The following TSPOAP1 variants were observed in gnomAD, a reference collection of about 807,000 sequenced individuals.
TSPOAP1 encodes the protein TSPO associated protein 1.
Under a neutral mutation model 197.0 loss-of-function variants are expected in TSPOAP1, and 87 were observed. The observed-to-expected ratio is 0.44, with a 90% CI of 0.37 to 0.53. TSPOAP1 has a LOEUF of 0.53. Among genes scored for constraint, TSPOAP1 ranks in the 20% least tolerant of loss-of-function variants. The pLI, the probability that TSPOAP1 is intolerant of heterozygous loss-of-function variation, is 0.00. For missense variants in TSPOAP1, 2,174 were observed against 2,411.3 expected (o/e 0.90, Z 2.06); for synonymous variants, 913 against 998.9 (o/e 0.91, Z 1.62).
chr17:58,318,000 T>C (rs762761217), intron 14 of TSPOAP1, among the ~76,000 whole-genome samples: 1 of 152,196 alleles, frequency 6.6e-6, no homozygotes, highest in Non-Finnish European at 1.5e-5. Flanking sequence ...GGTGCCCAAG[T>C]GTCTCCTCCA....
intron 16 of TSPOAP1, among the ~76,000 whole-genome samples, chr17:58,314,023 A>G (rs1300428449): frequency 6.6e-6 from 1 of 152,220 alleles, no homozygotes; most frequent in Non-Finnish European, 1.5e-5. Context: ...GAAGAAAAAA[A>G]GGTCTCAGGA....
rs761468658 is a variant in TSPOAP1 at position 58,304,383 on chromosome 17, C to T, written c.5561G>A (p.Arg1854Lys). 21 of 1,613,756 alleles carry T rather than the reference C, an allele frequency of 1.3e-5. No homozygotes were observed. The South Asian group carries it at 2.0e-4, about 15-fold the overall frequency. The change falls in exon 31 of 32, where the codon AGA (arginine) becomes AAA (lysine). Residue 1854 changes from arginine to lysine, a missense_variant. By Grantham distance (26) the Arg-to-Lys change is conservative. Transcript: ENST00000343736. This position sits in a 1 kb window ranked among gnomAD's most constrained non-coding sequence, Gnocchi z 4.2. ...ATCTATCTCCATCTAGCACTGGACT[C>T]TTCTCCTCCTCGTTCTCTGAGGACA... ...QAESQRTRRRRVQC is the reference protein window; with the variant it reads ...QAESQRTRRRKVQC
rs1043617468 is a variant in TSPOAP1 at position 58,301,522 on chromosome 17, G to A, written c.*958C>T. The A allele has an allele frequency of 3.9e-5, 6 of 152,702 alleles. No homozygotes were observed. Among genetic ancestry groups the A allele is most frequent in the African/African-American group, 1.4e-4 (6 of 41,462 alleles). 9.5% of individuals were successfully genotyped at this position (152,702 alleles called of 1,614,324 possible). The stretch of plus-strand genomic sequence containing the variant: ...CCAACAGGGGTTAGAAGAAAACTAT[G>A]CAAAAGAACTTGAATCCAATGAGCA... On this transcript the variant is annotated 3_prime_UTR_variant, in exon 32 of 32. Transcript: ENST00000343736.
intron 29 of TSPOAP1, 58 bp downstream of exon 29, chr17:58,305,329 C>T: frequency 6.3e-7 from 1 of 1,593,918 alleles, no homozygotes; most frequent in Non-Finnish European, 8.6e-7. Context: ...TTGCCTATCC[C>T]CCTGTCCGAA....
intron 24 of TSPOAP1, 160 bp downstream of exon 24, chr17:58,307,451 C>G: frequency 1.0e-6 from 1 of 979,610 alleles, no homozygotes; most frequent in Non-Finnish European, 1.5e-6. Flanking sequence ...CTCAAGGTTA[C>G]ACAGCTAGAA....
intron 10 of TSPOAP1, among the ~76,000 whole-genome samples, chr17:58,321,418 C>T (rs577825322): frequency 5.3e-5 from 8 of 152,098 alleles, no homozygotes; most frequent in African/African-American, 1.9e-4. Context: ...CTGCCTCAGC[C>T]TCCTGAGTAG....
chr17:58,309,542 G>A lies in TSPOAP1; in HGVS notation c.3892-162C>T, dbSNP rs761936496. Reference sequence around the variant, plus strand: ...TCCGAGAGGAGAGAACCAGAGGGACGGTGGCTGGCCCAAATTCACACACAT... The same window carrying A: ...TCCGAGAGGAGAGAACCAGAGGGACAGTGGCTGGCCCAAATTCACACACAT... On this transcript the variant is annotated intron_variant, in intron 21 of 31. Transcript: ENST00000343736. The surrounding 1 kb of genome is among the most constrained non-coding windows in gnomAD (Gnocchi z 5.0). Among the ~76,000 whole-genome samples the A allele has an allele frequency of 3.3e-5, 5 of 151,978 alleles. No homozygotes were observed. The highest frequency in any genetic ancestry group is 4.8e-5 in the African/African-American group (2 of 41,368).
chr17:58,308,719 C>T lies in TSPOAP1; in HGVS notation c.4553G>A (p.Ser1518Asn). ...EAGSGGISIT[S>N]SCYPGDGEAW... ...CTCCCCATCTCCAGGGTAGCAGGAGCTGGTGATGCTGATGCCCCCGCTGCC... is the reference window on the plus strand; with the variant it reads ...CTCCCCATCTCCAGGGTAGCAGGAGTTGGTGATGCTGATGCCCCCGCTGCC... Residue 1518 changes from serine (S) to asparagine (N), a missense_variant, in exon 22 of 32, where the codon AGC becomes AAC. Transcript: ENST00000343736. 6.2e-7 allele frequency: 1 copy of T among 1,613,062 alleles called. No individual in the cohort carries two copies. The highest frequency in any genetic ancestry group is 1.1e-5 in the South Asian group (1 of 91,088).
chr17:58,325,131 G>A (rs755260399), intron 4 of TSPOAP1, 129 bp from the exon 5 acceptor site: 28 of 820,994 alleles, frequency 3.4e-5, no homozygotes, highest in Non-Finnish European at 5.0e-5. Context: ...ACCCTCCCAT[G>A]GGTACATGCC....
chr17:58,324,821 G>T lies in TSPOAP1; in HGVS notation c.932C>A (p.Ala311Asp). 1 of 1,463,704 alleles carries T rather than the reference G, an allele frequency of 6.8e-7. No homozygotes were observed. 90.7% of individuals were successfully genotyped at this position (1,463,704 alleles called of 1,614,324 possible). The part of the protein sequence containing the change: ...QARAGAPAPG[A>D]PGEATPQEDA... ...TGCGCCGGCGCTCACCTCTCCCGGG[G>T]CCCCGGGAGCAGGCGCCCCTGCTCT... is the stretch of plus-strand genomic sequence containing the variant. The change falls in exon 5 of 32, where the codon GCC becomes GAC. Residue 311 changes from alanine (A) to aspartate (D), a missense_variant. This residue lies in a region of TSPOAP1 where 1,933 missense variants were observed against 2,139.0 expected (regional missense o/e 0.90). Coordinates refer to ENST00000343736, the MANE Select transcript of TSPOAP1 (RefSeq NM_004758.4). This position sits in a 1 kb window ranked among gnomAD's most constrained non-coding sequence, Gnocchi z 5.8.
In TSPOAP1 at chr17:58,309,287, G is replaced by A. The variant is rs1297787390; in HGVS notation, c.3985C>T (p.Leu1329Phe). The A allele has an allele frequency of 4.3e-6, 7 of 1,613,816 alleles. No individual in the cohort carries two copies. Among genetic ancestry groups the A allele is most frequent in the Non-Finnish European group, 5.9e-6 (7 of 1,179,970 alleles). Reference protein sequence around the residue: ...LPLQQFCSKKLFSIPEEEEEE... With the variant: ...LPLQQFCSKKFFSIPEEEEEE... ...TCCTCCTCCTCCGGGATGCTAAAGAGCTTCTTGCTACAGAACTGCTGGAGG... is the reference window on the plus strand; with the variant it reads ...TCCTCCTCCTCCGGGATGCTAAAGAACTTCTTGCTACAGAACTGCTGGAGG... The change falls in exon 22 of 32, where the codon CTC becomes TTC. Residue 1329 changes from leucine (L) to phenylalanine (F), a missense_variant. Transcript: ENST00000343736. This position sits in a 1 kb window ranked among gnomAD's most constrained non-coding sequence, Gnocchi z 5.0.
At position 58,307,715 on chromosome 17, in the gene TSPOAP1, C is replaced by A; in HGVS notation, c.4879G>T (p.Val1627Phe). ...SETLAYQHLP[V>F]RIFVALFDYD... Reference sequence around the variant, plus strand: ...TCAAACAGAGCCACAAAGATCCTGACGGGTAGGTGCTGGTAAGCCAGTGTT... The same window carrying A: ...TCAAACAGAGCCACAAAGATCCTGAAGGGTAGGTGCTGGTAAGCCAGTGTT... The change falls in exon 24 of 32, where the codon GTC becomes TTC. Residue 1627 changes from valine (V) to phenylalanine (F), a missense_variant. Around this residue, in one of 5 missense-constraint regions of TSPOAP1, gnomAD observed 1,933 missense variants for 2,139.0 expected, o/e 0.90. Coordinates refer to ENST00000343736, the MANE Select transcript of TSPOAP1 (RefSeq NM_004758.4). The A allele has an allele frequency of 1.9e-6, 3 of 1,614,182 alleles. No individual in the cohort carries two copies. Among genetic ancestry groups the A allele is most frequent in the Middle Eastern group, 3.3e-4 (2 of 6,062 alleles).
Position 58,322,912 on chromosome 17 carries a change from G to A in TSPOAP1, c.1194+38C>T, listed in dbSNP as rs2143120911. ...TGGCTGGGGACCGGGGCAGTGGTGG[G>A]AGCACAGGTCTCCACAGCACCTGGG... On this transcript the variant is annotated intron_variant, in intron 8 of 31. Transcript: ENST00000343736. The surrounding 1 kb of genome is among the most constrained non-coding windows in gnomAD (Gnocchi z 5.0). The A allele has an allele frequency of 1.2e-6, 2 of 1,605,030 alleles. No individual in the cohort carries two copies. Among genetic ancestry groups the A allele is most frequent in the Non-Finnish European group, 1.7e-6 (2 of 1,175,470 alleles).
Position 58,308,832 on chromosome 17 carries a change from C to T in TSPOAP1, c.4440G>A (p.Arg1480=). 6.2e-7 allele frequency: 1 copy of T among 1,612,080 alleles called. No homozygotes were observed. Among genetic ancestry groups the T allele is most frequent in the East Asian group, 2.2e-5 (1 of 44,878 alleles). Residue 1480 remains arginine (R), a synonymous_variant, in exon 22 of 32, where the codon CGG becomes CGA. Transcript: ENST00000343736. The part of the protein sequence containing the change: ...LGPSRRCSRG[R]ALEPGLASCL... The stretch of plus-strand genomic sequence containing the variant: ...AGCTGGCCAGGCCAGGCTCCAGCGC[C>T]CGGCCACGGGAGCACCTCCGGGAAG...
At position 58,319,290 on chromosome 17, in the gene TSPOAP1, C is replaced by T. The variant is rs377164817; in HGVS notation, c.1499G>A (p.Arg500Gln). The stretch of plus-strand genomic sequence containing the variant: ...GCACTGTTCTTCGAGCTCTCGAACC[C>T]GGGCCTGGGCCAAGACCCACCATGA... ...LESTLDSMQA[R>Q]VRELEEQCRS... The change falls in exon 13 of 32, where the codon CGG becomes CAG. Residue 500 changes from arginine (R) to glutamine (Q), a missense_variant. Transcript: ENST00000343736. 2.2e-5 allele frequency: 34 copies of T among 1,573,296 alleles called. No homozygotes were observed. Among genetic ancestry groups the T allele is most frequent in the Middle Eastern group, 1.8e-4 (1 of 5,570 alleles).
Position 58,320,238 on chromosome 17 carries a change from C to T in TSPOAP1, c.1474-109G>A, listed in dbSNP as rs1598074948. 1.8e-5 allele frequency: 23 copies of T among 1,310,554 alleles called. No homozygotes were observed. The South Asian group carries it at 2.6e-4, about 15-fold the overall frequency. The allele number at this position is 1,310,554 out of a possible 1,614,324, so 81.2% of individuals were successfully genotyped here. On this transcript the variant is annotated intron_variant, in intron 11 of 31. Transcript: ENST00000343736. Reference sequence around the variant, plus strand: ...GCCTAAGTGGATATCATCCAGTCAGCTCCCTGGACTGACTAGCAGTTCCTA... The same window carrying T: ...GCCTAAGTGGATATCATCCAGTCAGTTCCCTGGACTGACTAGCAGTTCCTA...
rs748654181 is a variant in TSPOAP1 at position 58,310,653 on chromosome 17, C to G, written c.3558G>C (p.Leu1186=). 6.2e-7 allele frequency: 1 copy of G among 1,613,090 alleles called. No homozygotes were observed. The highest frequency in any genetic ancestry group is 2.2e-5 in the East Asian group (1 of 44,878). Reference sequence around the variant, plus strand: ...CAGTCCACTCGGCCTCCTGCTTGGCCAGTGAGGGAGCTGCGGGGCCAGGGT... The same window carrying G: ...CAGTCCACTCGGCCTCCTGCTTGGCGAGTGAGGGAGCTGCGGGGCCAGGGT... ...EKDPGPAAPS[L]AKQEAEWTAG... Residue 1186 remains leucine, a synonymous_variant, in exon 20 of 32, where the codon CTG becomes CTC. Coordinates refer to ENST00000343736, the MANE Select transcript of TSPOAP1 (RefSeq NM_004758.4).
chr17:58,310,534 G>A lies in TSPOAP1; in HGVS notation c.3677C>T (p.Ser1226Phe). 6.2e-7 allele frequency: 1 copy of A among 1,613,426 alleles called. No individual in the cohort carries two copies. Among genetic ancestry groups the A allele is most frequent in the South Asian group, 1.1e-5 (1 of 91,068 alleles). The change falls in exon 20 of 32, where the codon TCT becomes TTT. Residue 1226 changes from serine to phenylalanine, a missense_variant. By Grantham distance (155) the Ser-to-Phe change is radical. Coordinates refer to ENST00000343736, the MANE Select transcript of TSPOAP1 (RefSeq NM_004758.4). Reference protein sequence around the residue: ...TEMCQGGDPGSGLRPRAEKED... With the variant: ...TEMCQGGDPGFGLRPRAEKED... ...TACCTCAGCCCTGGGCCTCAGCCCA[G>A]ACCCTGGGTCTCCTCCTTGGCACAT...
chr17:58,307,724 G>T lies in TSPOAP1; in HGVS notation c.4870C>A (p.His1624Asn). 6.2e-7 allele frequency: 1 copy of T among 1,614,190 alleles called. No homozygotes were observed. The stretch of plus-strand genomic sequence containing the variant: ...GCCACAAAGATCCTGACGGGTAGGT[G>T]CTGGTAAGCCAGTGTTTCTGAGGGG... Reference protein sequence around the residue: ...RSPSETLAYQHLPVRIFVALF... With the variant: ...RSPSETLAYQNLPVRIFVALF... Residue 1624 changes from histidine (H) to asparagine (N), a missense_variant, in exon 24 of 32, where the codon CAC becomes AAC. This residue lies in a region of TSPOAP1 where 1,933 missense variants were observed against 2,139.0 expected (regional missense o/e 0.90). Transcript: ENST00000343736.
Sources: allele counts gnomAD v4.1 joint callset (sites outside exome capture counted in the v4.1 genomes callset), GRCh38; gene constraint gnomAD v4.1.1; regional missense constraint gnomAD v4.1.1; non-coding constraint Gnocchi (gnomAD v3.1); transcripts MANE v1.5; gene names NCBI Gene and HGNC (gene_info 2026-07-23, HGNC 2026-07-21).